The following RPTOR variants were observed in gnomAD, a reference collection of about 807,000 sequenced individuals.
RPTOR encodes the protein regulatory associated protein of MTOR complex 1.
In RPTOR, 21 loss-of-function variants were observed where a neutral mutation model predicts 169.9. That is an observed-to-expected ratio of 0.12 (90% CI 0.09 to 0.18). The LOEUF is 0.18. RPTOR is among the 10% of genes least tolerant of loss of function. The pLI, the probability that RPTOR is intolerant of heterozygous loss-of-function variation, is 1.00. For missense variants in RPTOR, 1,133 were observed against 1,855.9 expected (o/e 0.61, Z 7.16); for synonymous variants, 732 against 753.2 (o/e 0.97, Z 0.46).
chr17:80,665,843 C>T (rs2065774761), intron 3 of RPTOR, among the ~76,000 whole-genome samples: 1 of 152,074 alleles, frequency 6.6e-6, no homozygotes, highest in Non-Finnish European at 1.5e-5. Context: ...GCGCCCGGCC[C>T]CCCAAAAATT....
chr17:80,561,984 GTATT>G (rs1467838093), intron 1 of RPTOR, among the ~76,000 whole-genome samples: 1 of 152,294 alleles, frequency 6.6e-6, no homozygotes, highest in East Asian at 1.9e-4. Flanking sequence ...TTATACGTAT[GTATT>G]TATGTGTCAG....
intron 1 of RPTOR, among the ~76,000 whole-genome samples, chr17:80,557,042 G>A (rs2143235874): frequency 6.6e-6 from 1 of 152,244 alleles, no homozygotes; most frequent in East Asian, 1.9e-4. Flanking sequence ...GTTGCAGTGA[G>A]CCAAGATCTT....
intron 20 of RPTOR, among the ~76,000 whole-genome samples, chr17:80,902,981 G>A (rs1410696656): frequency 6.6e-6 from 1 of 152,280 alleles, no homozygotes; most frequent in Non-Finnish European, 1.5e-5. Context: ...CATCCCGAGA[G>A]CGCTGGCAGG....
chr17:80,841,203 G>C (rs2067646495), intron 10 of RPTOR, among the ~76,000 whole-genome samples: 1 of 109,974 alleles, frequency 9.1e-6, no homozygotes, highest in Non-Finnish European at 1.8e-5. Context: ...CCGCACGGCA[G>C]CTCACTCTCA....
intron 2 of RPTOR, among the ~76,000 whole-genome samples, 200 bp from the exon 3 acceptor site, chr17:80,643,528 G>A (rs2065569452): frequency 6.6e-6 from 1 of 152,192 alleles, no homozygotes; most frequent in Non-Finnish European, 1.5e-5. Flanking sequence ...TAAAACACTG[G>A]CCTTCACGGC....
intron 24 of RPTOR, among the ~76,000 whole-genome samples, chr17:80,927,962 G>A (rs1567992036): frequency 1.3e-5 from 2 of 152,052 alleles, no homozygotes; most frequent in Admixed American, 1.3e-4. Flanking sequence ...TTAGTCCAAG[G>A]GGATCCATGT....
At chr17:80,577,857 C>T (rs1421167065) in intron 1 of RPTOR, among the ~76,000 whole-genome samples, 1 of 152,184 alleles carries the variant, frequency 6.6e-6, no homozygotes, top group East Asian at 1.9e-4. Context: ...GGAAGACCTA[C>T]GCTTAATGAA....
rs146414074 is a variant in RPTOR, at chr17:80,834,425, G to A, written c.1137-3497G>A. Among the ~76,000 whole-genome samples the A allele has an allele frequency of 8.7e-4, 133 of 152,290 alleles. 4 individuals are homozygous for A. In the East Asian group the frequency reaches 0.018, roughly 20 times the overall value. On this transcript the variant is annotated intron_variant, in intron 9 of 33. Coordinates refer to ENST00000306801, the MANE Select transcript of RPTOR (RefSeq NM_020761.3). ...CCTCCGTGCATCGTCTGGGCGCCGA[G>A]CCACAGCCCTTCCTCCTGGGCTTTG...
intron 20 of RPTOR, among the ~76,000 whole-genome samples, chr17:80,904,198 T>C (rs551611589): frequency 2.5e-4 from 38 of 151,934 alleles, no homozygotes; most frequent in African/African-American, 9.2e-4. Flanking sequence ...CCACACCGAG[T>C]TGTGGGTGCA....
At chr17:80,926,430 C>G (rs2068812771) in intron 24 of RPTOR, among the ~76,000 whole-genome samples, 1 of 152,218 alleles carries the variant, frequency 6.6e-6, no homozygotes, top group Non-Finnish European at 1.5e-5. Flanking sequence ...CATCAAACGC[C>G]TTAAATAGCC....
At chr17:80,758,760 T>C (rs911942895) in intron 6 of RPTOR, among the ~76,000 whole-genome samples, 59 of 152,002 alleles carry the variant, frequency 3.9e-4, no homozygotes, top group Non-Finnish European at 5.6e-4. Flanking sequence ...CAGCTCTGCC[T>C]TTAGACTCTG....
intron 6 of RPTOR, among the ~76,000 whole-genome samples, chr17:80,768,039 T>G (rs2066805093): frequency 1.3e-5 from 2 of 152,138 alleles, no homozygotes; most frequent in Admixed American, 6.5e-5. Flanking sequence ...AATTTTTGTA[T>G]TTTTAGTAGA....
At chr17:80,950,002 G>A (rs1041717559) in intron 28 of RPTOR, among the ~76,000 whole-genome samples, 4 of 152,256 alleles carry the variant, frequency 2.6e-5, no homozygotes, top group Non-Finnish European at 4.4e-5. Flanking sequence ...CTGGTGGGAC[G>A]GAGTGGCTGC....
intron 3 of RPTOR, among the ~76,000 whole-genome samples, chr17:80,682,111 C>CT (rs1282080245): frequency 1.7e-5 from 1 of 58,940 alleles, no homozygotes; most frequent in African/African-American, 5.6e-5. Context: ...ATTAGGTCCC[C>CT]CCCCCCACCC....
chr17:80,703,855 A>G (rs1250653125), intron 3 of RPTOR, among the ~76,000 whole-genome samples: 1 of 152,194 alleles, frequency 6.6e-6, no homozygotes, highest in Non-Finnish European at 1.5e-5. Flanking sequence ...TATTTGTTTT[A>G]ATTTACATAA....
chr17:80,834,422 C>T (rs979735909), intron 9 of RPTOR, among the ~76,000 whole-genome samples: 6 of 152,178 alleles, frequency 3.9e-5, no homozygotes, highest in South Asian at 2.1e-4. Context: ...GTCTGGGCGC[C>T]GAGCCACAGC....
At chr17:80,836,462 G>A (rs911198899) in intron 9 of RPTOR, among the ~76,000 whole-genome samples, 13 of 152,186 alleles carry the variant, frequency 8.5e-5, no homozygotes, top group African/African-American at 2.9e-4. Flanking sequence ...CCTTGGGCGC[G>A]TGGCTGTCTC....
intron 5 of RPTOR, among the ~76,000 whole-genome samples, chr17:80,748,642 C>T (rs1176098543): frequency 2.1e-5 from 2 of 94,574 alleles, no homozygotes; most frequent in African/African-American, 9.3e-5. Flanking sequence ...GAGGCCGTGG[C>T]GAGAGGACCT....
At chr17:80,731,069 G>A (rs917809601) in intron 5 of RPTOR, among the ~76,000 whole-genome samples, 16 of 152,076 alleles carry the variant, frequency 1.1e-4, no homozygotes, top group African/African-American at 3.6e-4. Context: ...TGTAGAGGTG[G>A]TGTTTCGCCA....
Sources: gnomAD v4.1 joint callset for allele counts (sites outside exome capture counted in the v4.1 genomes callset) on GRCh38, gnomAD v4.1.1 for gene constraint, MANE v1.5 for transcripts, NCBI Gene and HGNC (gene_info 2026-07-23, HGNC 2026-07-21) for gene names.